The following GRB2 variants were observed in gnomAD, a reference collection of about 807,000 sequenced individuals.
GRB2 encodes the protein growth factor receptor bound protein 2.
In GRB2, 2 loss-of-function variants were observed where a neutral mutation model predicts 27.4. The observed-to-expected ratio is 0.07, with a 90% CI of 0.03 to 0.23. GRB2 has a LOEUF of 0.23. GRB2 is among the 10% of genes least tolerant of loss of function. The pLI, the probability that GRB2 is intolerant of heterozygous loss-of-function variation, is 1.00. For synonymous variants in GRB2, 94 were observed against 99.6 expected (o/e 0.94, Z 0.33); for missense variants, 102 against 282.4 (o/e 0.36, Z 4.58).
intron 3 of GRB2, among the ~76,000 whole-genome samples, chr17:75,330,239 A>G (rs897704804): frequency 1.3e-5 from 2 of 151,710 alleles, no homozygotes; most frequent in Admixed American, 1.3e-4. Context: ...AAAATTAGCC[A>G]GGCATGGTGG....
At chr17:75,342,611 T>C (rs1236140076) in intron 2 of GRB2, among the ~76,000 whole-genome samples, 4 of 151,954 alleles carry the variant, frequency 2.6e-5, no homozygotes, top group Non-Finnish European at 5.9e-5. Flanking sequence ...CTTAAATAGA[T>C]CCTAGAAAGA....
chr17:75,373,701 T>G (rs1178475656), intron 2 of GRB2: 2 of 152,114 alleles, frequency 1.3e-5, no homozygotes, highest in African/African-American at 4.8e-5. Flanking sequence ...ATTTCACATC[T>G]TTAATTCTGC....
chr17:75,393,860 G>T (rs61764597), intron 1 of GRB2, 95 bp from the exon 2 acceptor site: 5 of 533,916 alleles, frequency 9.4e-6, no homozygotes, highest in African/African-American at 4.1e-5. Flanking sequence ...CACGCCCCCT[G>T]GCTCGGCCTG....
intron 3 of GRB2, among the ~76,000 whole-genome samples, chr17:75,327,356 G>A (rs910006815): frequency 1.3e-5 from 2 of 150,962 alleles, no homozygotes; most frequent in Non-Finnish European, 2.9e-5. Flanking sequence ...TGGGATTACA[G>A]GCATGAGCCA....
At position 75,340,817 on chromosome 17, in the gene GRB2, T is replaced by C. The variant is rs575715903; in HGVS notation, c.79-8020A>G. Among the ~76,000 whole-genome samples, 326 of 152,352 alleles carry C rather than the reference T, an allele frequency of 2.1e-3. 5 individuals carry two copies. The South Asian group carries it at 0.034, about 16-fold the overall frequency. On this transcript the variant is annotated intron_variant, in intron 2 of 5. Transcript: ENST00000316804. ...AACATCTTGGCAATGCTGCCTGCTA[T>C]GCTGTGTGCCAAATCATGAAAAACA... is the stretch of plus-strand genomic sequence containing the variant.
chr17:75,328,514 C>T (rs2078515890), intron 3 of GRB2, among the ~76,000 whole-genome samples: 1 of 151,874 alleles, frequency 6.6e-6, no homozygotes, highest in African/African-American at 2.4e-5. Context: ...GTGGCGCATG[C>T]CTGTAATCCC....
At chr17:75,333,445 CAT>C (rs532642079) in intron 2 of GRB2, among the ~76,000 whole-genome samples, 41 of 152,184 alleles carry the variant, frequency 2.7e-4, no homozygotes, top group African/African-American at 8.9e-4. Context: ...ATGGCAAACA[CAT>C]AGGAGAATAA....
chr17:75,326,711 C>G (rs1041105451), intron 3 of GRB2, among the ~76,000 whole-genome samples: 5 of 152,242 alleles, frequency 3.3e-5, no homozygotes, highest in Admixed American at 3.3e-4. Flanking sequence ...GCAGACTCTT[C>G]TGCTCCCAAT....
At chr17:75,369,969 T>C (rs1325530904) in intron 2 of GRB2, among the ~76,000 whole-genome samples, 2 of 152,214 alleles carry the variant, frequency 1.3e-5, no homozygotes, top group African/African-American at 2.4e-5. Context: ...ATATGTTCCT[T>C]TGCTTGAAGG....
In GRB2 at chr17:75,320,746, A is replaced by G. The variant is rs2078453074; in HGVS notation, c.469-193T>C. Among the ~76,000 whole-genome samples, 1 of 152,032 alleles carries G rather than the reference A, an allele frequency of 6.6e-6. No individual in the cohort carries two copies. Among genetic ancestry groups the G allele is most frequent in the African/African-American group, 2.4e-5 (1 of 41,398 alleles). ...TTACAGGCCAAGCGGGTTTAGTGTG[A>G]TATTTCCCAGTGCTCAGAAAATATT... On this transcript the variant is annotated intron_variant, in intron 5 of 5. Coordinates refer to ENST00000316804, the MANE Select transcript of GRB2 (RefSeq NM_002086.5). The surrounding 1 kb of genome is among the most constrained non-coding windows in gnomAD (Gnocchi z 4.3).
At chr17:75,385,858 C>T (rs892327229) in intron 2 of GRB2, among the ~76,000 whole-genome samples, 2 of 152,176 alleles carry the variant, frequency 1.3e-5, no homozygotes, top group Non-Finnish European at 2.9e-5. Context: ...TACAGATCAA[C>T]GTTAACACCT....
intron 3 of GRB2, among the ~76,000 whole-genome samples, chr17:75,328,397 T>C (rs900216600): frequency 6.6e-6 from 1 of 151,932 alleles, no homozygotes. Context: ...TCGCAGCACT[T>C]TGGGAGGCCG....
chr17:75,362,645 A>T (rs913285868), intron 2 of GRB2, among the ~76,000 whole-genome samples: 6 of 152,230 alleles, frequency 3.9e-5, no homozygotes, highest in African/African-American at 1.4e-4. Context: ...AGTTTATTCC[A>T]CTGGCCTCAT....
intron 2 of GRB2, among the ~76,000 whole-genome samples, chr17:75,377,597 GAAAAAAAAAAAAAAAAA>G (rs60003550): frequency 3.8e-5 from 2 of 53,190 alleles, no homozygotes; most frequent in African/African-American, 9.1e-5. Context: ...CCCTGTCTCA[GAAAAAAAAAAAAAAAAA>G]AAAAAAAAAA....
At chr17:75,345,793 C>A (rs1442011062) in intron 2 of GRB2, among the ~76,000 whole-genome samples, 2 of 151,762 alleles carry the variant, frequency 1.3e-5, no homozygotes, top group Non-Finnish European at 2.9e-5. Context: ...AGCTAGTGGA[C>A]AGGGTCAGGG....
chr17:75,325,613 C>T (rs1047904965), intron 4 of GRB2, among the ~76,000 whole-genome samples: 1 of 152,236 alleles, frequency 6.6e-6, no homozygotes, highest in African/African-American at 2.4e-5. Flanking sequence ...CCTTGGAGGG[C>T]AGAAGCTCAG....
intron 2 of GRB2, among the ~76,000 whole-genome samples, chr17:75,357,370 T>C (rs776561398): frequency 1.3e-5 from 2 of 152,214 alleles, no homozygotes; most frequent in Non-Finnish European, 2.9e-5. Flanking sequence ...GTATGAACTT[T>C]AGTTAATAAT....
In GRB2 at chr17:75,321,756, T is replaced by C; in HGVS notation, c.371A>G (p.Lys124Arg). 6.2e-7 allele frequency: 1 copy of C among 1,614,118 alleles called. No individual in the cohort carries two copies. ...CACCAGCTCATTCAAAGAATTGAACTTCACCACCCAGAGGAAGTACTTCCC... is the reference window on the plus strand; with the variant it reads ...CACCAGCTCATTCAAAGAATTGAACCTCACCACCCAGAGGAAGTACTTCCC... ...GAGKYFLWVV[K>R]FNSLNELVDY... The change falls in exon 5 of 6, where the codon AAG (lysine) becomes AGG (arginine). Residue 124 changes from lysine to arginine, a missense_variant. Physicochemically the swap from Lys to Arg is conservative, Grantham distance 26 (BLOSUM62 2). Coordinates refer to ENST00000316804, the MANE Select transcript of GRB2 (RefSeq NM_002086.5).
chr17:75,375,354 T>C (rs2078885333), intron 2 of GRB2, among the ~76,000 whole-genome samples: 2 of 150,622 alleles, frequency 1.3e-5, no homozygotes, highest in Non-Finnish European at 3.0e-5. Context: ...ATGAATTTCA[T>C]GGTAGTTAAA....
Sources: allele counts gnomAD v4.1 joint callset (sites outside exome capture counted in the v4.1 genomes callset), GRCh38; gene constraint gnomAD v4.1.1; non-coding constraint Gnocchi (gnomAD v3.1); transcripts MANE v1.5; gene names NCBI Gene and HGNC (gene_info 2026-07-23, HGNC 2026-07-21).